SIRT5: variants seen among roughly 807,000 people sequenced by gnomAD.
The protein encoded by SIRT5 is sirtuin 5, also known as NAD-dependent protein deacylase sirtuin-5, mitochondrial.
Under a neutral mutation model 40.0 loss-of-function variants are expected in SIRT5, and 26 were observed. The observed-to-expected ratio is 0.65, with a 90% CI of 0.48 to 0.90. The LOEUF is 0.90. Among genes scored for constraint, SIRT5 ranks in the 40% least tolerant of loss-of-function variants. The pLI is 0.00. For synonymous variants in SIRT5, 146 were observed against 149.1 expected, an observed-to-expected ratio of 0.98 and a Z score of 0.15; for missense variants, 401 against 402.4, an observed-to-expected ratio of 1.00 and a Z score of 0.03.
At chr6:13,577,988 A>G (rs919303376) in intron 1 of SIRT5, among the ~76,000 whole-genome samples, 1 of 152,100 alleles carries the variant, frequency 6.6e-6, no homozygotes, top group Non-Finnish European at 1.5e-5. Context: ...CAGTACTTCT[A>G]TACTTATTGA....
chr6:13,586,620 T>C (rs1215495581), intron 3 of SIRT5, among the ~76,000 whole-genome samples: 1 of 152,208 alleles, frequency 6.6e-6, no homozygotes, highest in East Asian at 1.9e-4. Context: ...CTCAGCCTTG[T>C]GCTGCCAAAA....
Position 13,604,990 on chromosome 6 carries a change from G to C in SIRT5, c.857+4041G>C, listed in dbSNP as rs199898722. 1.4e-5 allele frequency: 14 copies of C among 988,254 alleles called. No homozygotes were observed. In the African/African-American group the frequency reaches 2.4e-4, roughly 17 times the overall value. The allele number at this position is 988,254 out of a possible 1,614,324, so 61.2% of individuals were successfully genotyped here. ...ATGAAGCCAGCAATGCTTTTTTCTTGGCATCATCAAAGCTGACATTTAGAA... is the reference window on the plus strand; with the variant it reads ...ATGAAGCCAGCAATGCTTTTTTCTTCGCATCATCAAAGCTGACATTTAGAA... On this transcript the variant is annotated intron_variant, in intron 9 of 9. Coordinates refer to ENST00000606117, the MANE Select transcript of SIRT5 (RefSeq NM_012241.5).
Position 13,609,538 on chromosome 6 carries a change from G to A in SIRT5, c.858-2252G>A, listed in dbSNP as rs138992020. 1.4e-3 allele frequency among the ~76,000 whole-genome samples: 219 copies of A among 152,304 alleles called. 4 individuals carry two copies. Among genetic ancestry groups the A allele is most frequent in the East Asian group, 0.014 (71 of 5,186 alleles). Reference sequence around the variant, plus strand: ...TATAATACCAAGTTTAGATCAACGTGGAATGTTGTGTCCAGAAATCCCTTA... The same window carrying A: ...TATAATACCAAGTTTAGATCAACGTAGAATGTTGTGTCCAGAAATCCCTTA... On this transcript the variant is annotated intron_variant, in intron 9 of 9. Coordinates refer to ENST00000606117, the MANE Select transcript of SIRT5 (RefSeq NM_012241.5).
At chr6:13,587,765 A>G (rs779939340) in intron 3 of SIRT5, among the ~76,000 whole-genome samples, 1 of 152,244 alleles carries the variant, frequency 6.6e-6, no homozygotes, top group Non-Finnish European at 1.5e-5. Context: ...CTTGTCAAGA[A>G]GAAGGCCATG....
At chr6:13,601,004 T>C (rs1762304296) in intron 9 of SIRT5, 55 bp downstream of exon 9, 1 of 1,372,122 alleles carries the variant, frequency 7.3e-7, no homozygotes, top group Non-Finnish European at 1.0e-6. Flanking sequence ...ACAGACATGG[T>C]CATCTAAACA....
intron 1 of SIRT5, among the ~76,000 whole-genome samples, chr6:13,578,273 G>A (rs753532027): frequency 1.3e-5 from 2 of 152,016 alleles, no homozygotes; most frequent in Non-Finnish European, 1.5e-5. Context: ...TTCTTGTAAC[G>A]TCCTTCTCTG....
intron 1 of SIRT5, among the ~76,000 whole-genome samples, chr6:13,578,616 CAAAAA>C (rs60663066): frequency 2.7e-5 from 1 of 36,772 alleles, no homozygotes; most frequent in Non-Finnish European, 6.0e-5. Flanking sequence ...GACTCCATCT[CAAAAA>C]AAAAAAAAAA....
intron 9 of SIRT5, among the ~76,000 whole-genome samples, chr6:13,609,601 T>C (rs1763576528): frequency 6.6e-6 from 1 of 152,222 alleles, no homozygotes; most frequent in East Asian, 1.9e-4. Context: ...TCCAGGCTGC[T>C]TCTCAGTATC....
chr6:13,596,935 C>T (rs1761640107), intron 6 of SIRT5, 28 bp from the exon 7 acceptor site: 2 of 1,566,488 alleles, frequency 1.3e-6, no homozygotes, highest in South Asian at 2.3e-5. Context: ...CAATAACAAT[C>T]TTTCTTTTCT....
At chr6:13,582,920 T>C (rs1221442815) in intron 2 of SIRT5, among the ~76,000 whole-genome samples, 1 of 152,202 alleles carries the variant, frequency 6.6e-6, no homozygotes, top group Non-Finnish European at 1.5e-5. Context: ...CAGAAACTAC[T>C]TTGGGCTGGG....
chr6:13,589,465 C>G (rs1361146858), intron 4 of SIRT5: 3 of 152,226 alleles, frequency 2.0e-5, no homozygotes, highest in African/African-American at 7.2e-5. Flanking sequence ...TCTCCAGTTT[C>G]CAGAACTCTG....
At chr6:13,584,392 C>G (rs1202175916) in intron 3 of SIRT5, among the ~76,000 whole-genome samples, 167 bp downstream of exon 3, 2 of 152,140 alleles carry the variant, frequency 1.3e-5, no homozygotes, top group African/African-American at 4.8e-5. Context: ...TGCTCTGTCG[C>G]CAGGCTGGAG....
intron 2 of SIRT5, among the ~76,000 whole-genome samples, chr6:13,582,663 C>T (rs1037291341): frequency 6.0e-5 from 9 of 151,196 alleles, no homozygotes; most frequent in African/African-American, 1.9e-4. Context: ...TCACTCCTCC[C>T]CTTTCTGGCA....
intron 6 of SIRT5, 72 bp downstream of exon 6, chr6:13,595,636 T>C (rs2127673023): frequency 1.8e-6 from 2 of 1,128,524 alleles, no homozygotes; most frequent in East Asian, 2.4e-5. Context: ...GTGAGGAAAT[T>C]GAACATTCAT....
chr6:13,604,287 T>C (rs2127718021), intron 9 of SIRT5, among the ~76,000 whole-genome samples: 1 of 152,386 alleles, frequency 6.6e-6, no homozygotes, highest in Middle Eastern at 3.4e-3. Context: ...ATTTGTGTTG[T>C]GGCACCTATG....
chr6:13,592,915 A>T (rs1161179037), intron 5 of SIRT5, among the ~76,000 whole-genome samples: 5 of 139,138 alleles, frequency 3.6e-5, no homozygotes, highest in Admixed American at 7.2e-5. Context: ...ATTTAATTTA[A>T]TTTTTTTTTT....
At chr6:13,582,209 A>C (rs1257405943) in intron 2 of SIRT5, among the ~76,000 whole-genome samples, 1 of 152,196 alleles carries the variant, frequency 6.6e-6, no homozygotes, top group Non-Finnish European at 1.5e-5. Flanking sequence ...GCTCAGCTCT[A>C]ATCTCCTTAC....
At chr6:13,584,341 C>A in intron 3 of SIRT5, 116 bp downstream of exon 3, 1 of 758,896 alleles carries the variant, frequency 1.3e-6, no homozygotes. Flanking sequence ...TTGGAGAAAG[C>A]CACTCTGTCA....
chr6:13,588,586 T>C, intron 4 of SIRT5, 122 bp downstream of exon 4: 1 of 1,207,492 alleles, frequency 8.3e-7, no homozygotes, highest in Non-Finnish European at 1.1e-6. Flanking sequence ...ACTGTGACCC[T>C]ATTGTCTCAT....
Sources: allele counts gnomAD v4.1 joint callset (sites outside exome capture counted in the v4.1 genomes callset), GRCh38; gene constraint gnomAD v4.1.1; transcripts MANE v1.5; gene names NCBI Gene and HGNC (gene_info 2026-07-23, HGNC 2026-07-21).